PCED1B: variants seen among roughly 807,000 people sequenced by gnomAD.
PCED1B encodes PC-esterase domain-containing protein 1B.
For missense variants in PCED1B, 573 were observed against 573.9 expected, an observed-to-expected ratio of 1.00 and a Z score of 0.02; for synonymous variants, 251 against 246.1, an observed-to-expected ratio of 1.02 and a Z score of -0.19.
chr12:47,201,338 A>G (rs891950754), intron 2 of PCED1B, among the ~76,000 whole-genome samples: 72 of 152,250 alleles, frequency 4.7e-4, no homozygotes, highest in African/African-American at 1.7e-3. Context: ...CCACAGTTTC[A>G]TATCAGTTAA....
intron 3 of PCED1B, among the ~76,000 whole-genome samples, chr12:47,230,717 C>T (rs1308387109): frequency 2.0e-5 from 3 of 152,210 alleles, no homozygotes; most frequent in Non-Finnish European, 2.9e-5. Flanking sequence ...GCTGTGATTA[C>T]AGGCGTGAGC....
chr12:47,149,272 C>T (rs1940903713), intron 2 of PCED1B, among the ~76,000 whole-genome samples: 1 of 152,188 alleles, frequency 6.6e-6, no homozygotes, highest in Non-Finnish European at 1.5e-5. Flanking sequence ...AGTGCTTTCC[C>T]TCCAGAGTTA....
At chr12:47,166,170 C>T (rs1294077714) in intron 2 of PCED1B, among the ~76,000 whole-genome samples, 1 of 152,196 alleles carries the variant, frequency 6.6e-6, no homozygotes, top group Admixed American at 6.5e-5. Flanking sequence ...GTCTCCCAGG[C>T]TCTGTGGGAG....
chr12:47,116,268 G>A (rs988472140), intron 2 of PCED1B, among the ~76,000 whole-genome samples: 1 of 151,772 alleles, frequency 6.6e-6, no homozygotes. Context: ...GATAAGCTCT[G>A]TCCTCACCAA....
intron 2 of PCED1B, among the ~76,000 whole-genome samples, chr12:47,200,609 AT>A (rs1390049063): frequency 6.6e-6 from 1 of 152,226 alleles, no homozygotes; most frequent in Non-Finnish European, 1.5e-5. Flanking sequence ...GTGAGTTGGC[AT>A]TTATCCAAAT....
chr12:47,134,537 C>T (rs1247718657), intron 2 of PCED1B, among the ~76,000 whole-genome samples: 5 of 152,296 alleles, frequency 3.3e-5, no homozygotes. Flanking sequence ...GCATTGACCC[C>T]TTCCATCTAA....
intron 2 of PCED1B, among the ~76,000 whole-genome samples, chr12:47,211,109 T>G (rs1408042110): frequency 6.6e-6 from 1 of 152,140 alleles, no homozygotes; most frequent in Non-Finnish European, 1.5e-5. Context: ...GTAATAGAAG[T>G]GATACTCTAA....
At chr12:47,222,058 G>A (rs918573102) in intron 3 of PCED1B, among the ~76,000 whole-genome samples, 16 of 146,420 alleles carry the variant, frequency 1.1e-4, no homozygotes, top group African/African-American at 3.5e-4. Context: ...AGCCATGATC[G>A]CACCATGGCA....
intron 3 of PCED1B, among the ~76,000 whole-genome samples, chr12:47,230,565 C>A (rs1943775250): frequency 6.6e-6 from 1 of 152,090 alleles, no homozygotes; most frequent in South Asian, 2.1e-4. Flanking sequence ...GCCTCAGCCT[C>A]CGAGTAGCTG....
chr12:47,152,134 G>A (rs1272049971), intron 2 of PCED1B, among the ~76,000 whole-genome samples: 1 of 152,166 alleles, frequency 6.6e-6, no homozygotes, highest in African/African-American at 2.4e-5. Flanking sequence ...TAGCAATGTT[G>A]ATGGATGTTA....
intron 2 of PCED1B, among the ~76,000 whole-genome samples, chr12:47,153,924 C>G (rs2137466406): frequency 6.6e-6 from 1 of 152,304 alleles, no homozygotes; most frequent in East Asian, 1.9e-4. Flanking sequence ...AGATAGTCTA[C>G]AATCTCTGCC....
chr12:47,095,624 T>A (rs868623789), intron 1 of PCED1B, among the ~76,000 whole-genome samples: 2 of 152,216 alleles, frequency 1.3e-5, no homozygotes, highest in Non-Finnish European at 1.5e-5. Context: ...AGATACTTTC[T>A]ATTTATCTGG....
intron 2 of PCED1B, among the ~76,000 whole-genome samples, chr12:47,146,649 G>A (rs938439392): frequency 1.3e-5 from 2 of 152,232 alleles, no homozygotes; most frequent in South Asian, 4.1e-4. Flanking sequence ...AGCATTTTTA[G>A]CAATAAAGTA....
In PCED1B at chr12:47,181,037, T is replaced by C. The variant is rs1354788544; in HGVS notation, c.-525-35185T>C. Among the ~76,000 whole-genome samples, 3 of 151,712 alleles carry C rather than the reference T, an allele frequency of 2.0e-5. No individual in the cohort carries two copies. In the East Asian group the frequency reaches 5.8e-4, roughly 29 times the overall value. ...TTGAGACAAAGTCTCACTCTGTAAG[T>C]GCAGTGGCACAATCATGGCTCACTA... On this transcript the variant is annotated intron_variant, in intron 2 of 3. Coordinates refer to ENST00000546455, the MANE Select transcript of PCED1B (RefSeq NM_138371.3).
intron 2 of PCED1B, among the ~76,000 whole-genome samples, chr12:47,172,623 GGCATTTCCTA>G (rs1185812143): frequency 1.3e-5 from 2 of 152,048 alleles, no homozygotes; most frequent in East Asian, 3.9e-4. Flanking sequence ...ATGCCAACTG[GGCATTTCCTA>G]GCTTTATGAA....
At chr12:47,189,700 A>G (rs1475229083) in intron 2 of PCED1B, among the ~76,000 whole-genome samples, 3 of 152,228 alleles carry the variant, frequency 2.0e-5, no homozygotes, top group African/African-American at 7.2e-5. Flanking sequence ...TTAGTGTTAT[A>G]TTACCATCTC....
intron 2 of PCED1B, among the ~76,000 whole-genome samples, chr12:47,119,153 C>T (rs1042240537): frequency 1.3e-4 from 19 of 151,996 alleles, no homozygotes; most frequent in Non-Finnish European, 4.4e-5. Flanking sequence ...GTCTTTTCAA[C>T]AAATAGTGCT....
At chr12:47,205,188 T>C (rs758564171) in intron 2 of PCED1B, among the ~76,000 whole-genome samples, 1 of 152,120 alleles carries the variant, frequency 6.6e-6, no homozygotes, top group African/African-American at 2.4e-5. Flanking sequence ...GATGAAATCA[T>C]AAAAAGTCTA....
intron 3 of PCED1B, among the ~76,000 whole-genome samples, chr12:47,226,315 G>A (rs967777886): frequency 2.6e-5 from 4 of 152,142 alleles, no homozygotes; most frequent in Admixed American, 6.5e-5. Flanking sequence ...ACATACATCC[G>A]TTTTAGCAGC....
Sources: gnomAD v4.1 joint callset for allele counts (sites outside exome capture counted in the v4.1 genomes callset) on GRCh38, gnomAD v4.1.1 for gene constraint, MANE v1.5 for transcripts, NCBI Gene and HGNC (gene_info 2026-07-23, HGNC 2026-07-21) for gene names.